Variants in ABCG2 observed in about 807,000 individuals in gnomAD.
The protein encoded by ABCG2 is broad substrate specificity ATP-binding cassette transporter ABCG2.
ABCG2 carries 80 observed loss-of-function variants against 73.5 expected under a neutral mutation model. The observed-to-expected ratio is 1.09, with a 90% confidence interval of 0.91 to 1.31. The LOEUF (loss-of-function observed/expected upper bound fraction) is 1.31. Ranked by LOEUF, ABCG2 falls within the 50% of genes most tolerant of loss-of-function variation. The probability of loss-of-function intolerance (pLI) is 0.00; values close to 1 mark genes in which losing one functional copy is unlikely to be tolerated. For missense variants in ABCG2, 796 were observed against 786.2 expected (o/e 1.01, Z -0.15); for synonymous variants, 269 against 282.4 (o/e 0.95, Z 0.48).
At chr4:88,150,550 C>A (rs1726394611) in intron 1 of ABCG2, among the ~76,000 whole-genome samples, 1 of 152,166 alleles carries the variant, frequency 6.6e-6, no homozygotes, top group South Asian at 2.1e-4. Flanking sequence ...GAAATGATAT[C>A]TATATTTAAA....
chr4:88,194,220 AATGG>A (rs1728833600), intron 1 of ABCG2, among the ~76,000 whole-genome samples: 1 of 152,052 alleles, frequency 6.6e-6, no homozygotes, highest in Non-Finnish European at 1.5e-5. Context: ...TGACTTTGAG[AATGG>A]AAGTCGCATA....
chr4:88,102,411 C>A (rs997228259), intron 10 of ABCG2, among the ~76,000 whole-genome samples: 1 of 152,034 alleles, frequency 6.6e-6, no homozygotes, highest in Non-Finnish European at 1.5e-5. Flanking sequence ...GCCTAACCAA[C>A]ATGGTGAAAC....
chr4:88,117,311 T>C (rs1209737602), intron 7 of ABCG2, among the ~76,000 whole-genome samples: 3 of 138,878 alleles, frequency 2.2e-5, no homozygotes, highest in African/African-American at 8.3e-5. Context: ...CACAGTGAGA[T>C]CCTATCTCAA....
intron 1 of ABCG2, among the ~76,000 whole-genome samples, chr4:88,220,082 T>G (rs1435694098): frequency 1.3e-5 from 2 of 152,192 alleles, no homozygotes; most frequent in Non-Finnish European, 2.9e-5. Context: ...ATAAGTGGAA[T>G]CATGTAGTAT....
intron 1 of ABCG2, among the ~76,000 whole-genome samples, chr4:88,153,158 G>A (rs1015483092): frequency 6.6e-6 from 1 of 152,072 alleles, no homozygotes; most frequent in Admixed American, 6.6e-5. Flanking sequence ...GTGGCGGTTT[G>A]GGGATAGCAC....
chr4:88,164,072 C>CT (rs368544602), upstream of ABCG2: 614 of 145,354 alleles, frequency 4.2e-3, no homozygotes, highest in African/African-American at 6.8e-3. Context: ...CAAATCTCAC[C>CT]TTTTTTTTTT....
At chr4:88,095,771 C>T (rs1721943390) in intron 13 of ABCG2, among the ~76,000 whole-genome samples, 162 bp from the exon 14 acceptor site, 1 of 152,220 alleles carries the variant, frequency 6.6e-6, no homozygotes, top group Admixed American at 6.5e-5. Flanking sequence ...CTAAACTCTT[C>T]TCCTCTGCAT....
chr4:88,148,815 C>G (rs2110069019), intron 1 of ABCG2, among the ~76,000 whole-genome samples: 1 of 152,218 alleles, frequency 6.6e-6, no homozygotes, highest in African/African-American at 2.4e-5. Context: ...GTAAAGTGTA[C>G]ACAGTCCTGT....
chr4:88,113,225 G>C, intron 9 of ABCG2, 78 bp downstream of exon 9: 1 of 1,521,342 alleles, frequency 6.6e-7, no homozygotes, highest in Non-Finnish European at 8.9e-7. Context: ...GTGGGTAGAA[G>C]ATAAACATAT....
In ABCG2 at chr4:88,176,647, A is replaced by ATTT. The variant is rs35728226; in HGVS notation, c.-19-36636_-19-36634dup. ...AGGCACATGCCAGCACACCTGGCTA[A>ATTT]TTTTTTTTTTTTTTTTTTTTTTTTT... On this transcript the variant is annotated intron_variant, in intron 1 of 15. Transcript: ENST00000515655. 3.7e-4 allele frequency among the ~76,000 whole-genome samples: 33 copies of ATTT among 90,160 alleles called. 1 individual carries two copies. The South Asian group carries it at 8.6e-3, about 24-fold the overall frequency. 59.1% of individuals were successfully genotyped at this position (90,160 alleles called of 152,430 possible). A position where few individuals can be genotyped will look rare whatever the true frequency, so the allele number is the denominator to read the frequency against.
At chr4:88,129,237 G>C (rs984134600) in intron 5 of ABCG2, among the ~76,000 whole-genome samples, 2 of 151,870 alleles carry the variant, frequency 1.3e-5, no homozygotes, top group African/African-American at 4.8e-5. Context: ...ATATACCTAA[G>C]GTTAATAACT....
intron 13 of ABCG2, 130 bp downstream of exon 13, chr4:88,097,323 G>A: frequency 1.0e-6 from 1 of 998,830 alleles, no homozygotes; most frequent in South Asian, 1.8e-5. Context: ...TATTCCAGTA[G>A]ATGGCCTTAA....
At chr4:88,107,412 G>T in intron 9 of ABCG2, 146 bp from the exon 10 acceptor site, 1 of 563,110 alleles carries the variant, frequency 1.8e-6, no homozygotes, top group South Asian at 2.8e-5. Context: ...CAACGTCCCT[G>T]GGAGAAAATA....
chr4:88,125,058 T>G (rs1173524776), intron 5 of ABCG2, among the ~76,000 whole-genome samples: 1 of 148,102 alleles, frequency 6.8e-6, no homozygotes, highest in Admixed American at 6.7e-5. Flanking sequence ...TTCGGAAGGC[T>G]GAGGCAGGTG....
At chr4:88,147,470 G>A (rs1726136504) in intron 1 of ABCG2, among the ~76,000 whole-genome samples, 2 of 152,170 alleles carry the variant, frequency 1.3e-5, no homozygotes, top group Admixed American at 6.5e-5. Flanking sequence ...TGATATTTAT[G>A]AAAGTATTTC....
Position 88,132,596 on chromosome 4 carries a change from G to A in ABCG2, c.243C>T (p.Pro81=). Residue 81 remains proline, a synonymous_variant, in exon 3 of 16, where the codon CCC becomes CCT. Coordinates refer to ENST00000237612, the MANE Select transcript of ABCG2 (RefSeq NM_004827.3). ...CTCACGAAGATTTGCCTCCACCTGT[G>A]GGTCCCAGGATGGCGTTGAGACCAG... ...MKPGLNAILG[P]TGGGKSSLLD... 6.2e-7 allele frequency: 1 copy of A among 1,614,098 alleles called. No homozygotes were observed. The highest frequency in any genetic ancestry group is 8.5e-7 in the Non-Finnish European group (1 of 1,179,994).
At chr4:88,182,849 G>A (rs1192271600) in intron 1 of ABCG2, among the ~76,000 whole-genome samples, 1 of 152,028 alleles carries the variant, frequency 6.6e-6, no homozygotes, top group African/African-American at 2.4e-5. Flanking sequence ...ACTTTGGGAG[G>A]CCAAAGCAGG....
At chr4:88,125,986 G>A (rs1435010189) in intron 5 of ABCG2, among the ~76,000 whole-genome samples, 3 of 152,096 alleles carry the variant, frequency 2.0e-5, no homozygotes, top group Admixed American at 1.3e-4. Context: ...ACAAATCAAC[G>A]AATCCAGGGC....
intron 1 of ABCG2, among the ~76,000 whole-genome samples, chr4:88,214,563 A>T (rs975065336): frequency 5.3e-5 from 8 of 152,124 alleles, no homozygotes; most frequent in African/African-American, 1.7e-4. Context: ...CAGAATCTAT[A>T]TACTAAGAGA....
Sources: gnomAD v4.1 joint callset for allele counts (sites outside exome capture counted in the v4.1 genomes callset) on GRCh38, gnomAD v4.1.1 for gene constraint, MANE v1.5 for transcripts, NCBI Gene and HGNC (gene_info 2026-07-23, HGNC 2026-07-21) for gene names.